Variants in TRIM48 observed in about 807,000 individuals in gnomAD.
TRIM48 encodes the protein tripartite motif containing 48.
Under a neutral mutation model 29.5 loss-of-function variants are expected in TRIM48, and 31 were observed. That is an observed-to-expected ratio of 1.05 (90% CI 0.79 to 1.42). TRIM48 has a LOEUF of 1.42. Ranked by LOEUF, TRIM48 falls within the 40% of genes most tolerant of loss-of-function variation. The pLI is 0.00. For synonymous variants in TRIM48, 128 were observed against 90.6 expected, an observed-to-expected ratio of 1.41 and a Z score of -2.34; for missense variants, 344 against 265.0, an observed-to-expected ratio of 1.30 and a Z score of -2.07.
Position 55,271,070 on chromosome 11 carries a change from A to T in TRIM48, c.*635A>T. The stretch of plus-strand genomic sequence containing the variant: ...TTGAATTGCATTCTAATGTTATTAA[A>T]ACTCATTTATTGTGTTACTATTAAA... On this transcript the variant is annotated 3_prime_UTR_variant, in exon 6 of 6. Coordinates refer to ENST00000417545, the MANE Select transcript of TRIM48 (RefSeq NM_024114.5). 1 of 1,208,546 alleles carries T rather than the reference A, an allele frequency of 8.3e-7. No individual in the cohort carries two copies. The highest frequency in any genetic ancestry group is 1.1e-6 in the Non-Finnish European group (1 of 881,608). 74.9% of individuals were successfully genotyped at this position (1,208,546 alleles called of 1,614,324 possible). A position where few individuals can be genotyped will look rare whatever the true frequency, so the allele number is the denominator to read the frequency against.
At chr11:55,268,508 AG>A in intron 4 of TRIM48, 136 bp downstream of exon 4, 2 of 816,370 alleles carry the variant, frequency 2.4e-6, no homozygotes, top group Non-Finnish European at 3.8e-6. Context: ...TTCCCACACC[AG>A]AAAAGACAAG....
At chr11:55,270,087 G>A (rs1483279357) in intron 5 of TRIM48, among the ~76,000 whole-genome samples, 1 of 148,120 alleles carries the variant, frequency 6.8e-6, no homozygotes, top group African/African-American at 2.5e-5. Flanking sequence ...TAGTTTTTAA[G>A]AATAAGAAAC....
At chr11:55,269,002 C>T (rs1353058622) in intron 4 of TRIM48, among the ~76,000 whole-genome samples, 1 of 148,118 alleles carries the variant, frequency 6.8e-6, no homozygotes, top group Admixed American at 6.9e-5. Flanking sequence ...GGCTAAGGAA[C>T]TTTACACATT....
rs1479185528 is a variant in TRIM48, at chr11:55,270,794, C to A, written c.*359C>A. On this transcript the variant is annotated 3_prime_UTR_variant, in exon 6 of 6. Coordinates refer to ENST00000417545, the MANE Select transcript of TRIM48 (RefSeq NM_024114.5). ...ACACTGCAGTATGTCCCAAGACCTA[C>A]CAACCATGTAGAATTATTCCTGGAT... The A allele has an allele frequency of 6.3e-7, 1 of 1,575,466 alleles. No individual in the cohort carries two copies. The highest frequency in any genetic ancestry group is 1.2e-5 in the South Asian group (1 of 83,494).
Position 55,270,768 on chromosome 11 carries a change from T to TAC in TRIM48, c.*336_*337dup. On this transcript the variant is annotated 3_prime_UTR_variant, in exon 6 of 6. Transcript: ENST00000417545. ...GCAGTCTCTTTACCACCTCCCCAAT[T>TAC]ACACTGCAGTATGTCCCAAGACCTA... 1.3e-6 allele frequency: 2 copies of TAC among 1,571,008 alleles called. No individual in the cohort carries two copies. Among genetic ancestry groups the TAC allele is most frequent in the South Asian group, 2.4e-5 (2 of 83,308 alleles).
In TRIM48 at chr11:55,270,632, A is replaced by T. The variant is rs1857469620; in HGVS notation, c.*197A>T. On this transcript the variant is annotated 3_prime_UTR_variant, in exon 6 of 6. Transcript: ENST00000417545. ...GAGGTCCATGTGGGGGACTCTTGGA[A>T]TTGGGCTTTTGGTGTCTGTAATAAG... 2 of 1,581,998 alleles carry T rather than the reference A, an allele frequency of 1.3e-6. 1 individual carries two copies. The highest frequency in any genetic ancestry group is 4.8e-5 in the East Asian group (2 of 41,368).
intron 4 of TRIM48, among the ~76,000 whole-genome samples, chr11:55,268,757 C>T (rs9665915): frequency 0.59 from 85,943 of 146,212 alleles, 28,717 homozygotes; most frequent in Admixed American, 0.7. Context: ...TTAACAGTTC[C>T]GAAAAATAGA....
chr11:55,269,135 A>T (rs1332450519), intron 4 of TRIM48, 107 bp from the exon 5 acceptor site: 1 of 1,424,928 alleles, frequency 7.0e-7, no homozygotes, highest in Non-Finnish European at 9.4e-7. Flanking sequence ...TTGAATTATC[A>T]AATTTGTGGG....
chr11:55,264,401 G>A (rs1431396982), intron 1 of TRIM48, among the ~76,000 whole-genome samples: 1 of 147,740 alleles, frequency 6.8e-6, no homozygotes, highest in Admixed American at 6.9e-5. Flanking sequence ...GGACATGCAG[G>A]CTTGTTACAC....
chr11:55,270,390 TTTTC>T lies in TRIM48; in HGVS notation c.*2-29_*2-26del, dbSNP rs571082671. ...GCTTATTTACACATGCCTATGCATG[TTTTC>T]TTTCTTTCTTTCTTTCTATTTATTT... is the stretch of plus-strand genomic sequence containing the variant. On this transcript the variant is annotated intron_variant, in intron 5 of 5. Coordinates refer to ENST00000417545, the MANE Select transcript of TRIM48 (RefSeq NM_024114.5). The T allele has an allele frequency of 1.8e-3, 2,424 of 1,365,400 alleles. 202 individuals are homozygous for T. In the African/African-American group the frequency reaches 0.029, roughly 16 times the overall value. The allele number at this position is 1,365,400 out of a possible 1,614,324, so 84.6% of individuals were successfully genotyped here. A position where few individuals can be genotyped will look rare whatever the true frequency, so the allele number is the denominator to read the frequency against.
At position 55,270,636 on chromosome 11, in the gene TRIM48, G is replaced by T; in HGVS notation, c.*201G>T. The T allele has an allele frequency of 3.2e-6, 5 of 1,581,580 alleles. No individual in the cohort carries two copies. The highest frequency in any genetic ancestry group is 4.3e-6 in the Non-Finnish European group (5 of 1,164,182). On this transcript the variant is annotated 3_prime_UTR_variant, in exon 6 of 6. Coordinates refer to ENST00000417545, the MANE Select transcript of TRIM48 (RefSeq NM_024114.5). ...TCCATGTGGGGGACTCTTGGAATTG[G>T]GCTTTTGGTGTCTGTAATAAGTATT...
Position 55,268,380 on chromosome 11 carries a change from T to A in TRIM48, c.578+8T>A. 1 of 1,551,586 alleles carries A rather than the reference T, an allele frequency of 6.4e-7. No individual in the cohort carries two copies. The highest frequency in any genetic ancestry group is 8.8e-7 in the Non-Finnish European group (1 of 1,141,740). On this transcript the variant is annotated splice_region_variant and intron_variant, in intron 4 of 5. Transcript: ENST00000417545. The stretch of plus-strand genomic sequence containing the variant: ...TGGAGACATATTATACAGGTGAGTA[T>A]GTACCTGGATTTTAGCATATGTTCT...
intron 3 of TRIM48, among the ~76,000 whole-genome samples, chr11:55,266,054 C>A (rs966318655): frequency 1.4e-5 from 2 of 147,406 alleles, no homozygotes; most frequent in Non-Finnish European, 3.0e-5. Flanking sequence ...CTCAAGTGAA[C>A]CTTCTGAGCC....
At chr11:55,267,919 T>C (rs1857418132) in intron 3 of TRIM48, among the ~76,000 whole-genome samples, 2 of 147,736 alleles carry the variant, frequency 1.4e-5, no homozygotes, top group Non-Finnish European at 3.0e-5. Flanking sequence ...ACATTTAGGG[T>C]TGTCAAACAT....
chr11:55,268,497 A>ATTC (rs1207461495), intron 4 of TRIM48, 125 bp downstream of exon 4: 29 of 937,408 alleles, frequency 3.1e-5, no homozygotes, highest in Non-Finnish European at 4.3e-5. Flanking sequence ...ATCTTCTTTC[A>ATTC]TTCCCACACC....
At chr11:55,265,776 A>C in intron 3 of TRIM48, 81 bp downstream of exon 3, 2 of 1,346,106 alleles carry the variant, frequency 1.5e-6, no homozygotes, top group Non-Finnish European at 2.0e-6. Context: ...CTTGATATCA[A>C]ACCGTAATGT....
At chr11:55,264,879 A>G (rs750227383) in intron 1 of TRIM48, 21 bp from the exon 2 acceptor site, 9 of 1,582,776 alleles carry the variant, frequency 5.7e-6, no homozygotes, top group African/African-American at 1.4e-5. Context: ...CCAAAATGAC[A>G]TGCTGCTCTT....
chr11:55,264,702 C>T (rs919919572), intron 1 of TRIM48, among the ~76,000 whole-genome samples, 198 bp from the exon 2 acceptor site: 5 of 147,966 alleles, frequency 3.4e-5, no homozygotes, highest in Non-Finnish European at 7.5e-5. Context: ...GGTTGTGAGG[C>T]ATCTAGTCAG....
At position 55,271,102 on chromosome 11, in the gene TRIM48, A is replaced by T; in HGVS notation, c.*667A>T. On this transcript the variant is annotated 3_prime_UTR_variant, in exon 6 of 6. Transcript: ENST00000417545. ...TTATTGTGTTACTATTAAATGTAGT[A>T]AAAACACTAAAAGTATATATATTGG... 1 of 879,376 alleles carries T rather than the reference A, an allele frequency of 1.1e-6. No homozygotes were observed. Among genetic ancestry groups the T allele is most frequent in the Non-Finnish European group, 1.6e-6 (1 of 624,872 alleles). The allele number at this position is 879,376 out of a possible 1,614,324, so 54.5% of individuals were successfully genotyped here.
Sources: gnomAD v4.1 joint callset for allele counts (sites outside exome capture counted in the v4.1 genomes callset) on GRCh38, gnomAD v4.1.1 for gene constraint, MANE v1.5 for transcripts, NCBI Gene and HGNC (gene_info 2026-07-23, HGNC 2026-07-21) for gene names.